Variants in EPHA6 observed in about 807,000 individuals in gnomAD.
EPHA6 encodes EPH receptor A6.
In EPHA6, 50 loss-of-function variants were observed where a neutral mutation model predicts 112.0. That is an observed-to-expected ratio of 0.45 (90% CI 0.36 to 0.56). The LOEUF (loss-of-function observed/expected upper bound fraction) is 0.56, where lower values mean the gene tolerates loss of function less well. Ranked by LOEUF, EPHA6 falls within the 20% of genes least tolerant of loss-of-function variation. The pLI, the probability that EPHA6 is intolerant of heterozygous loss-of-function variation, is 0.00. For missense variants in EPHA6, 1,280 were observed against 1,417.4 expected, an observed-to-expected ratio of 0.90 and a Z score of 1.56; for synonymous variants, 529 against 490.7, an observed-to-expected ratio of 1.08 and a Z score of -1.03.
At chr3:96,907,101 A>G (rs2107591406) in intron 2 of EPHA6, among the ~76,000 whole-genome samples, 1 of 151,944 alleles carries the variant, frequency 6.6e-6, no homozygotes, top group Non-Finnish European at 1.5e-5. Flanking sequence ...TTATAATGAA[A>G]GGATCTGCAG....
chr3:97,421,726 A>C (rs141087546), intron 6 of EPHA6, among the ~76,000 whole-genome samples: 1 of 152,304 alleles, frequency 6.6e-6, no homozygotes, highest in African/African-American at 2.4e-5. Context: ...CAGATACTTT[A>C]GAGTTACTGT....
chr3:97,554,725 G>T (rs2093078357), intron 11 of EPHA6, among the ~76,000 whole-genome samples: 1 of 151,948 alleles, frequency 6.6e-6, no homozygotes, highest in Non-Finnish European at 1.5e-5. Context: ...ATTAAGAACA[G>T]TTCCTTGTGT....
intron 3 of EPHA6, among the ~76,000 whole-genome samples, chr3:97,223,456 G>A (rs1401900087): frequency 6.6e-6 from 1 of 152,188 alleles, no homozygotes; most frequent in Non-Finnish European, 1.5e-5. Flanking sequence ...AAGCCCTGTT[G>A]TGGGAACAAG....
intron 14 of EPHA6, among the ~76,000 whole-genome samples, chr3:97,678,975 C>T (rs1428661529): frequency 1.3e-5 from 2 of 152,158 alleles, no homozygotes; most frequent in African/African-American, 2.4e-5. Context: ...CAACCCATCT[C>T]TATTTATTGT....
chr3:96,957,324 A>G (rs78267151), intron 2 of EPHA6, among the ~76,000 whole-genome samples: 3,465 of 152,322 alleles, frequency 0.023, 136 homozygotes, highest in African/African-American at 0.079. Context: ...ATGGCTAAAG[A>G]TATAACTATG....
intron 11 of EPHA6, among the ~76,000 whole-genome samples, chr3:97,556,249 C>G (rs2093107795): frequency 6.6e-6 from 1 of 151,980 alleles, no homozygotes; most frequent in Admixed American, 6.6e-5. Context: ...TCGTGTGACC[C>G]TTTTGTTTCT....
At position 96,830,014 on chromosome 3, in the gene EPHA6, A is replaced by G. The variant is rs536167978; in HGVS notation, c.385+15006A>G. ...AGAAATGGTATGCTATTTGCTCCATAAACTTAAGTTCTTTTTCACTAGAGT... is the reference window on the plus strand; with the variant it reads ...AGAAATGGTATGCTATTTGCTCCATGAACTTAAGTTCTTTTTCACTAGAGT... On this transcript the variant is annotated intron_variant, in intron 1 of 17. Coordinates refer to ENST00000389672, the MANE Select transcript of EPHA6 (RefSeq NM_001080448.3). Among the ~76,000 whole-genome samples the G allele has an allele frequency of 3.3e-5, 5 of 151,142 alleles. No homozygotes were observed. The East Asian group carries it at 9.8e-4, about 30-fold the overall frequency.
At chr3:97,341,104 T>G (rs758009700) in intron 5 of EPHA6, among the ~76,000 whole-genome samples, 1 of 152,202 alleles carries the variant, frequency 6.6e-6, no homozygotes, top group Non-Finnish European at 1.5e-5. Context: ...AGGTTCAGCT[T>G]CCTCTTAAGT....
In EPHA6 at chr3:97,603,342, C is replaced by A. The variant is rs150045061; in HGVS notation, c.2513-7451C>A. On this transcript the variant is annotated intron_variant, in intron 12 of 17. Transcript: ENST00000389672. ...GGAAAATCATGTTTTGTTTCTCTAG[C>A]CTCACACCTTCCATTTACTCTAACA... Among the ~76,000 whole-genome samples, 814 of 152,026 alleles carry A rather than the reference C, an allele frequency of 5.4e-3. 6 individuals are homozygous for A. The highest frequency in any genetic ancestry group is 8.2e-3 in the Non-Finnish European group (559 of 67,914).
intron 11 of EPHA6, chr3:97,590,191 C>G (rs966610127): frequency 1.3e-5 from 2 of 152,234 alleles, no homozygotes; most frequent in African/African-American, 4.8e-5. Context: ...ACCAGTCCTT[C>G]TATTTTGTTT....
At chr3:97,522,060 A>T (rs1034674848) in intron 10 of EPHA6, among the ~76,000 whole-genome samples, 3 of 151,890 alleles carry the variant, frequency 2.0e-5, no homozygotes, top group Non-Finnish European at 4.4e-5. Context: ...AGTAGCTGGG[A>T]CTACCTTTGC....
rs1185912976 is a variant in EPHA6, at chr3:97,214,038, TGA to T, written c.1115-12210_1115-12209del. ...GTGTGTGTGTGTGTGTGTGTGTGTG[TGA>T]GAGAGAGAGAGAGAGGGAGAGGGAG... On this transcript the variant is annotated intron_variant, in intron 3 of 17. Coordinates refer to ENST00000389672, the MANE Select transcript of EPHA6 (RefSeq NM_001080448.3). 4.1e-3 allele frequency among the ~76,000 whole-genome samples: 321 copies of T among 77,824 alleles called. 1 individual carries two copies. Among genetic ancestry groups the T allele is most frequent in the East Asian group, 0.032 (78 of 2,470 alleles). The allele number at this position is 77,824 out of a possible 152,430, so 51.1% of individuals were successfully genotyped here. A position where few individuals can be genotyped will look rare whatever the true frequency, so the allele number is the denominator to read the frequency against.
intron 4 of EPHA6, among the ~76,000 whole-genome samples, chr3:97,235,857 T>C (rs962844161): frequency 2.4e-4 from 37 of 152,234 alleles, no homozygotes; most frequent in African/African-American, 8.7e-4. Flanking sequence ...GTTACATACC[T>C]GCAGGTTTGG....
chr3:97,026,866 G>A (rs2044657223), intron 3 of EPHA6, among the ~76,000 whole-genome samples: 3 of 152,082 alleles, frequency 2.0e-5, no homozygotes, highest in African/African-American at 7.2e-5. Flanking sequence ...CATCCATTGT[G>A]GAAGACACTG....
rs567164100 is a variant in EPHA6, at chr3:97,167,048, C to G, written c.1115-59216C>G. On this transcript the variant is annotated intron_variant, in intron 3 of 17. Transcript: ENST00000389672. ...ATTGGCAGACATTAATGTGATCTACCAGAGGCACCATTCATATTCAATAAG... is the reference window on the plus strand; with the variant it reads ...ATTGGCAGACATTAATGTGATCTACGAGAGGCACCATTCATATTCAATAAG... 1.2e-4 allele frequency among the ~76,000 whole-genome samples: 19 copies of G among 152,186 alleles called. No homozygotes were observed. In the South Asian group the frequency reaches 3.7e-3, roughly 30 times the overall value.
rs1434635976 is a variant in EPHA6, at chr3:97,085,951, A to ATATATATATATATATATATATG, written c.1114+97958_1114+97959insTATATATATATATATATATATG. 6.9e-4 allele frequency among the ~76,000 whole-genome samples: 101 copies of ATATATATATATATATATATATG among 145,920 alleles called. 4 individuals carry two copies. Among genetic ancestry groups the ATATATATATATATATATATATG allele is most frequent in the African/African-American group, 2.5e-3 (91 of 36,808 alleles). On this transcript the variant is annotated intron_variant, in intron 3 of 17. Transcript: ENST00000389672. ...GTCATATATATATATATATATATAC[A>ATATATATATATATATATATATG]CACTGAGATGGAGTCTCTTGTCACT... is the stretch of plus-strand genomic sequence containing the variant.
chr3:96,858,480 T>C (rs2035824130), intron 1 of EPHA6, among the ~76,000 whole-genome samples: 1 of 152,162 alleles, frequency 6.6e-6, no homozygotes, highest in Non-Finnish European at 1.5e-5. Context: ...AGGAAGTCTC[T>C]TTCAATATAT....
chr3:97,516,118 G>A (rs901425979), intron 10 of EPHA6, among the ~76,000 whole-genome samples: 3 of 152,114 alleles, frequency 2.0e-5, no homozygotes, highest in Admixed American at 2.0e-4. Context: ...GACTCACATA[G>A]CTTTACAAAT....
At chr3:97,448,846 G>T (rs78663558) in intron 7 of EPHA6, 116 bp downstream of exon 7, 2 of 945,294 alleles carry the variant, frequency 2.1e-6, no homozygotes, top group Non-Finnish European at 3.3e-6. Context: ...ATGAGATTTT[G>T]TTCATGTAAA....
Sources: gnomAD v4.1 joint callset for allele counts (sites outside exome capture counted in the v4.1 genomes callset) on GRCh38, gnomAD v4.1.1 for gene constraint, MANE v1.5 for transcripts, NCBI Gene and HGNC (gene_info 2026-07-23, HGNC 2026-07-21) for gene names.